The following KHDRBS2 variants were observed in gnomAD, a reference collection of about 807,000 sequenced individuals.
KHDRBS2 encodes KH RNA binding domain containing, signal transduction associated 2, also known as KH domain-containing, RNA-binding, signal transduction-associated protein 2.
A neutral mutation model predicts 44.3 loss-of-function variants in KHDRBS2; 26 were observed. That is an observed-to-expected ratio of 0.59 (90% CI 0.43 to 0.81). The LOEUF is 0.81. Among genes scored for constraint, KHDRBS2 ranks in the 40% least tolerant of loss-of-function variants. KHDRBS2 has a pLI of 0.00. For synonymous variants in KHDRBS2, 194 were observed against 151.1 expected, an observed-to-expected ratio of 1.28 and a Z score of -2.08; for missense variants, 476 against 433.1, an observed-to-expected ratio of 1.10 and a Z score of -0.88.
the KHDRBS2 span, among the ~76,000 whole-genome samples, chr6:61,651,865 T>C: frequency 2.0e-5 from 3 of 152,102 alleles, no homozygotes; most frequent in African/African-American, 4.8e-5. Flanking sequence ...TAACAGTAGA[T>C]ATAGGAATGC....
chr6:62,138,269 C>T (rs1436222823), intron 2 of KHDRBS2, among the ~76,000 whole-genome samples: 2 of 152,092 alleles, frequency 1.3e-5, no homozygotes, highest in Non-Finnish European at 2.9e-5. Flanking sequence ...TTGTAATTGC[C>T]ACTGTTTTTC....
At chr6:62,102,336 G>T (rs1223909297) in intron 2 of KHDRBS2, among the ~76,000 whole-genome samples, 2 of 152,180 alleles carry the variant, frequency 1.3e-5, no homozygotes, top group Non-Finnish European at 2.9e-5. Flanking sequence ...CTGACTTATA[G>T]TTCCAGCTAT....
the KHDRBS2 span, among the ~76,000 whole-genome samples, chr6:61,635,322 G>A: frequency 3.9e-5 from 6 of 152,066 alleles, no homozygotes; most frequent in East Asian, 1.9e-4. Flanking sequence ...GGGAGAAGAC[G>A]TGAAGATAAA....
intron 1 of KHDRBS2, among the ~76,000 whole-genome samples, chr6:62,228,018 A>G (rs1450939676): frequency 2.6e-5 from 4 of 152,210 alleles, no homozygotes; most frequent in African/African-American, 9.6e-5. Context: ...TTTTGGTATC[A>G]GAATAATGCT....
At chr6:62,092,590 G>A (rs866620285) in intron 2 of KHDRBS2, among the ~76,000 whole-genome samples, 1 of 152,118 alleles carries the variant, frequency 6.6e-6, no homozygotes, top group East Asian at 1.9e-4. Context: ...CCTGACTTAA[G>A]TAAAAATAAT....
chr6:61,557,195 A>T, the KHDRBS2 span, among the ~76,000 whole-genome samples: 8 of 152,236 alleles, frequency 5.3e-5, no homozygotes, highest in African/African-American at 1.4e-4. Context: ...TTAGAATAGG[A>T]GCATAATAAT....
At chr6:61,722,120 G>T (rs1225816512) in intron 7 of KHDRBS2, among the ~76,000 whole-genome samples, 1 of 152,122 alleles carries the variant, frequency 6.6e-6, no homozygotes, top group Non-Finnish European at 1.5e-5. Flanking sequence ...TGAATCCCAG[G>T]GATGAAGCCC....
At chr6:61,579,224 A>T in the KHDRBS2 span, among the ~76,000 whole-genome samples, 1 of 152,050 alleles carries the variant, frequency 6.6e-6, no homozygotes, top group Non-Finnish European at 1.5e-5. Context: ...TGCTCACAGA[A>T]CTCTGACCTC....
chr6:61,996,369 C>A (rs1206477128), intron 3 of KHDRBS2, among the ~76,000 whole-genome samples: 5 of 152,098 alleles, frequency 3.3e-5, no homozygotes, highest in Admixed American at 3.3e-4. Flanking sequence ...ATACAAGAGA[C>A]AAATAGAAAA....
the KHDRBS2 span, among the ~76,000 whole-genome samples, chr6:61,561,467 G>A: frequency 6.6e-6 from 1 of 152,196 alleles, no homozygotes; most frequent in East Asian, 1.9e-4. Flanking sequence ...CAAGTTCAGA[G>A]ATGCTGTCTG....
intron 1 of KHDRBS2, among the ~76,000 whole-genome samples, chr6:62,244,508 G>T (rs1458237718): frequency 6.6e-6 from 1 of 152,124 alleles, no homozygotes; most frequent in Non-Finnish European, 1.5e-5. Context: ...CATGGCTATT[G>T]TCAAGTATTA....
At chr6:62,267,688 T>C (rs1839421627) in intron 1 of KHDRBS2, among the ~76,000 whole-genome samples, 1 of 152,032 alleles carries the variant, frequency 6.6e-6, no homozygotes, top group African/African-American at 2.4e-5. Context: ...ATGATAAATG[T>C]GGAAATGCAC....
At chr6:61,955,076 G>C (rs536177416) in intron 4 of KHDRBS2, among the ~76,000 whole-genome samples, 2 of 139,446 alleles carry the variant, frequency 1.4e-5, no homozygotes, top group Non-Finnish European at 3.1e-5. Flanking sequence ...ACATATACGT[G>C]TGTATGTATG....
In KHDRBS2 at chr6:61,727,204, G is replaced by A. The variant is rs185540577; in HGVS notation, c.893+5478C>T. 1.2e-3 allele frequency among the ~76,000 whole-genome samples: 185 copies of A among 152,272 alleles called. 1 individual carries two copies. The highest frequency in any genetic ancestry group is 4.2e-3 in the African/African-American group (173 of 41,554). On this transcript the variant is annotated intron_variant, in intron 7 of 8. Transcript: ENST00000281156. ...GAAAGGGTTACCTACTTAATAAATG[G>A]TTCTGGTAGAACTGTCTAGCCATAT... is the stretch of plus-strand genomic sequence containing the variant.
At chr6:61,975,690 T>G (rs1356686527) in intron 4 of KHDRBS2, among the ~76,000 whole-genome samples, 1 of 104,516 alleles carries the variant, frequency 9.6e-6, no homozygotes, top group East Asian at 2.7e-4. Flanking sequence ...CAGAGAGATA[T>G]AAAACATCTG....
intron 4 of KHDRBS2, among the ~76,000 whole-genome samples, chr6:61,930,567 A>AT (rs1809851862): frequency 3.1e-5 from 4 of 130,192 alleles, no homozygotes; most frequent in African/African-American, 1.1e-4. Flanking sequence ...AAAAAAAAAA[A>AT]GGCTAGTCTA....
At chr6:61,807,386 C>T (rs1487717806) in intron 6 of KHDRBS2, among the ~76,000 whole-genome samples, 1 of 152,086 alleles carries the variant, frequency 6.6e-6, no homozygotes, top group East Asian at 1.9e-4. Context: ...TTCATTGTAG[C>T]ACTACTCACA....
chr6:61,890,912 C>T (rs1583353367), intron 6 of KHDRBS2, among the ~76,000 whole-genome samples: 1 of 152,114 alleles, frequency 6.6e-6, no homozygotes, highest in Admixed American at 6.5e-5. Flanking sequence ...TAGATGAACA[C>T]ATTTCACCTG....
At chr6:61,856,699 T>A (rs1203470086) in intron 6 of KHDRBS2, among the ~76,000 whole-genome samples, 2 of 152,042 alleles carry the variant, frequency 1.3e-5, no homozygotes, top group Admixed American at 6.6e-5. Flanking sequence ...GTTGGTATGT[T>A]GTTTTGTAAA....
Sources: allele counts gnomAD v4.1 joint callset (sites outside exome capture counted in the v4.1 genomes callset), GRCh38; gene constraint gnomAD v4.1.1; transcripts MANE v1.5; gene names NCBI Gene and HGNC (gene_info 2026-07-23, HGNC 2026-07-21).